JKAMP: variants seen among roughly 807,000 people sequenced by gnomAD.
JKAMP encodes the protein JNK1/MAPK8-associated membrane protein.
JKAMP carries 20 observed loss-of-function variants against 40.2 expected under a neutral mutation model. That is an observed-to-expected ratio of 0.50 (90% confidence interval 0.35 to 0.72). The LOEUF is 0.72. JKAMP is among the 30% of genes least tolerant of loss of function. The probability of loss-of-function intolerance (pLI) is 0.01; values close to 1 mark genes in which losing one functional copy is unlikely to be tolerated. For synonymous variants in JKAMP, 138 were observed against 131.6 expected, an observed-to-expected ratio of 1.05 and a Z score of -0.33; for missense variants, 276 against 373.0, an observed-to-expected ratio of 0.74 and a Z score of 2.14.
chr14:59,498,969 CTAGATT>C, intron 5 of JKAMP, 61 bp downstream of exon 5: 1 of 637,500 alleles, frequency 1.6e-6, no homozygotes, highest in South Asian at 4.6e-5. Context: ...AATATTTCCT[CTAGATT>C]TAATTTTGGA....
At chr14:59,490,796 A>C (rs531896668) in intron 3 of JKAMP, among the ~76,000 whole-genome samples, 22 of 152,326 alleles carry the variant, frequency 1.4e-4, no homozygotes, top group African/African-American at 5.1e-4. Context: ...GACAAAGCTG[A>C]AATAGAATAA....
At chr14:59,495,488 A>G (rs1891376016) in intron 4 of JKAMP, among the ~76,000 whole-genome samples, 1 of 152,182 alleles carries the variant, frequency 6.6e-6, no homozygotes, top group Admixed American at 6.5e-5. Context: ...TATAGGAGGC[A>G]CTTTATAGTA....
chr14:59,499,056 ACT>A (rs1192257726), intron 5 of JKAMP, 148 bp downstream of exon 5: 2 of 471,392 alleles, frequency 4.2e-6, no homozygotes. Context: ...ATGGAATCTC[ACT>A]CTATCACCAG....
chr14:59,503,888 T>C lies in JKAMP; in HGVS notation c.752T>C (p.Leu251Pro), dbSNP rs762229820. The change falls in exon 7 of 7, where the codon CTT becomes CCT. Residue 251 changes from leucine (L) to proline (P), a missense_variant. Leu to Pro is a moderately conservative substitution (Grantham distance 98). Coordinates refer to ENST00000616435, the MANE Select transcript of JKAMP (RefSeq NM_016475.5). ...GATCTTCTGGTCAGAAAGAAAAGACTTATTGTTCTCTTCAGCCACTGGTTA... is the reference window on the plus strand; with the variant it reads ...GATCTTCTGGTCAGAAAGAAAAGACCTATTGTTCTCTTCAGCCACTGGTTA... ...CYDLLVRKKR[L>P]IVLFSHWLLH... 1 of 1,612,810 alleles carries C rather than the reference T, an allele frequency of 6.2e-7. No homozygotes were observed.
chr14:59,504,910 A>AGAT lies in JKAMP; in HGVS notation c.*839_*841dup, dbSNP rs1292390523. 5.7e-6 allele frequency: 1 copy of AGAT among 174,922 alleles called. No individual in the cohort carries two copies. Among genetic ancestry groups the AGAT allele is most frequent in the African/African-American group, 2.4e-5 (1 of 42,304 alleles). 10.8% of individuals were successfully genotyped at this position (174,922 alleles called of 1,614,324 possible). On this transcript the variant is annotated 3_prime_UTR_variant, in exon 7 of 7. Transcript: ENST00000616435. The stretch of plus-strand genomic sequence containing the variant: ...CTTATTAGATTTAATGAAATACAGA[A>AGAT]GATACACAGAATAAAAAGGGTTTTC...
intron 5 of JKAMP, 78 bp downstream of exon 5, chr14:59,498,986 G>T: frequency 1.1e-5 from 4 of 350,070 alleles, no homozygotes; most frequent in East Asian, 1.0e-4. Flanking sequence ...TAATTTTGGA[G>T]ATTTTTCCTT....
intron 1 of JKAMP, 158 bp downstream of exon 1, chr14:59,484,751 G>A: frequency 9.6e-7 from 1 of 1,039,734 alleles, no homozygotes; most frequent in Non-Finnish European, 1.4e-6. Flanking sequence ...CCGCACTCCT[G>A]CGGGGTTGGG....
chr14:59,498,730 T>C lies in JKAMP; in HGVS notation c.462T>C (p.Tyr154=), dbSNP rs73303685. ...AATTCTTTATTTTATTTTACAGATA[T>C]ACCATTGTATTTATCTATTACGCAT... is the stretch of plus-strand genomic sequence containing the variant. ...HCTHEAVYPL[Y]TIVFIYYAFC... Residue 154 remains tyrosine (Y), a synonymous_variant, in exon 5 of 7, where the codon TAT becomes TAC. Transcript: ENST00000616435. 2.2e-3 allele frequency: 3,233 copies of C among 1,463,948 alleles called. 50 individuals carry two copies. The African/African-American group carries it at 0.041, about 19-fold the overall frequency. The allele number at this position is 1,463,948 out of a possible 1,614,324, so 90.7% of individuals were successfully genotyped here. A position where few individuals can be genotyped will look rare whatever the true frequency, so the allele number is the denominator to read the frequency against.
intron 4 of JKAMP, 162 bp downstream of exon 4, chr14:59,495,386 GT>G: frequency 1.7e-6 from 1 of 586,936 alleles, no homozygotes. Context: ...TGTAACTTCA[GT>G]TTTCTCTTTG....
intron 3 of JKAMP, among the ~76,000 whole-genome samples, chr14:59,491,290 A>T (rs916261910): frequency 2.0e-5 from 3 of 152,300 alleles, no homozygotes; most frequent in African/African-American, 7.2e-5. Context: ...GAAATAGAGA[A>T]GACGATGCTG....
chr14:59,489,801 G>T (rs1436656843), intron 3 of JKAMP, among the ~76,000 whole-genome samples: 1 of 152,192 alleles, frequency 6.6e-6, no homozygotes, highest in Admixed American at 6.5e-5. Context: ...TTACAATCAT[G>T]GCAGAAGGCA....
intron 4 of JKAMP, among the ~76,000 whole-genome samples, chr14:59,495,635 G>T (rs1294533725): frequency 6.6e-6 from 1 of 152,000 alleles, no homozygotes; most frequent in African/African-American, 2.4e-5. Context: ...GACTATTCCA[G>T]TTTCAGAATT....
intron 1 of JKAMP, chr14:59,485,094 G>T: frequency 1.3e-6 from 2 of 1,598,380 alleles, no homozygotes; most frequent in Admixed American, 1.7e-5. Flanking sequence ...TTCAACAGTC[G>T]CTTGGAGCCT....
chr14:59,495,435 G>A, intron 4 of JKAMP: 1 of 498,548 alleles, frequency 2.0e-6, no homozygotes. Flanking sequence ...GGTGTCGTGA[G>A]GATTAAATTA....
chr14:59,495,253 T>C (rs763123544), intron 4 of JKAMP, 29 bp downstream of exon 4: 3 of 1,267,038 alleles, frequency 2.4e-6, no homozygotes, highest in Non-Finnish European at 3.3e-6. Flanking sequence ...TTAAGATCAT[T>C]GTTTTTTTTT....
At chr14:59,491,790 A>T (rs1050615548) in intron 3 of JKAMP, among the ~76,000 whole-genome samples, 1 of 152,218 alleles carries the variant, frequency 6.6e-6, no homozygotes, top group Non-Finnish European at 1.5e-5. Context: ...GGCAGTTGGG[A>T]TGAGAGGGTT....
At chr14:59,488,217 A>C (rs762047861) in intron 3 of JKAMP, among the ~76,000 whole-genome samples, 2 of 152,062 alleles carry the variant, frequency 1.3e-5, no homozygotes, top group Non-Finnish European at 2.9e-5. Flanking sequence ...AACCTAATAC[A>C]AAAACTCATA....
chr14:59,488,131 G>A (rs907042789), intron 3 of JKAMP, among the ~76,000 whole-genome samples: 12 of 151,532 alleles, frequency 7.9e-5, no homozygotes, highest in African/African-American at 2.7e-4. Flanking sequence ...GCTATTTATT[G>A]TTATGGAACA....
chr14:59,499,017 T>A, intron 5 of JKAMP, 109 bp downstream of exon 5: 1 of 73,144 alleles, frequency 1.4e-5, no homozygotes, highest in Non-Finnish European at 2.3e-5. Flanking sequence ...GTTTAATCCT[T>A]TTTTTTTTTT....
Sources: gnomAD v4.1 joint callset for allele counts (sites outside exome capture counted in the v4.1 genomes callset) on GRCh38, gnomAD v4.1.1 for gene constraint, MANE v1.5 for transcripts, NCBI Gene and HGNC (gene_info 2026-07-23, HGNC 2026-07-21) for gene names.